Variants in ZNF544 observed in about 807,000 individuals in gnomAD.
The protein encoded by ZNF544 is zinc finger protein AF020591.
In ZNF544, 10 loss-of-function variants were observed where a neutral mutation model predicts 13.5. The ratio of observed to expected loss-of-function variants is 0.74; its 90% confidence interval spans 0.46 to 1.25. The LOEUF is 1.25. Among genes scored for constraint, ZNF544 ranks in the 50% most tolerant of loss-of-function variants. ZNF544 has a pLI of 0.00. For missense variants in ZNF544, 896 were observed against 845.6 expected (o/e 1.06, Z -0.74); for synonymous variants, 323 against 300.5 (o/e 1.07, Z -0.77).
At chr19:58,243,206 A>C (rs558529427) in intron 3 of ZNF544, among the ~76,000 whole-genome samples, 5 of 152,206 alleles carry the variant, frequency 3.3e-5, no homozygotes, top group African/African-American at 1.2e-4. Context: ...GAGTGAGCGT[A>C]GTCATATGAG....
intron 6 of ZNF544, among the ~76,000 whole-genome samples, chr19:58,248,273 C>CTTTTTTTTTT (rs34774786): frequency 1.8e-5 from 2 of 108,516 alleles, no homozygotes; most frequent in Non-Finnish European, 1.8e-5. Flanking sequence ...TTTTTTTTTT[C>CTTTTTTTTTT]TTTTTTTTTT....
At chr19:58,232,007 ATT>A (rs532283219) in intron 3 of ZNF544, among the ~76,000 whole-genome samples, 2 of 144,816 alleles carry the variant, frequency 1.4e-5, no homozygotes, top group Admixed American at 6.9e-5. Context: ...CGCCCAGCTA[ATT>A]TTTTTTTTTT....
rs1045493285 is a variant in ZNF544 at position 58,246,160 on chromosome 19, C to A, written c.34-141C>A. ...CATTAATTGCCTTGTAAAGACCCCACCTCTTAACACTATCTCACTGGGTAT... is the reference window on the plus strand; with the variant it reads ...CATTAATTGCCTTGTAAAGACCCCAACTCTTAACACTATCTCACTGGGTAT... On this transcript the variant is annotated intron_variant, in intron 4 of 6. Transcript: ENST00000687789. The A allele has an allele frequency of 6.1e-6, 7 of 1,156,232 alleles. No individual in the cohort carries two copies. In the African/African-American group the frequency reaches 9.1e-5, roughly 15 times the overall value. The allele number at this position is 1,156,232 out of a possible 1,614,324, so 71.6% of individuals were successfully genotyped here.
In ZNF544 at chr19:58,272,872, CAAAAA is replaced by C. The variant is rs60087012; in HGVS notation, c.245-3444_245-3440del. On this transcript the variant is annotated intron_variant, in intron 5 of 6. Transcript: ENST00000595981. Reference sequence around the variant, plus strand: ...TGGGCTACAGAGCGAGTCTCCTTCTCAAAAAAAAAAAGAAAAGAAAAGAAAAAAAG... The same window carrying C: ...TGGGCTACAGAGCGAGTCTCCTTCTCAAAAAAGAAAAGAAAAGAAAAAAAG... 2.1e-3 allele frequency among the ~76,000 whole-genome samples: 264 copies of C among 128,634 alleles called. 1 individual carries two copies. Among genetic ancestry groups the C allele is most frequent in the African/African-American group, 7.5e-3 (257 of 34,406 alleles). The allele number at this position is 128,634 out of a possible 152,430, so 84.4% of individuals were successfully genotyped here. A position where few individuals can be genotyped will look rare whatever the true frequency, so the allele number is the denominator to read the frequency against.
intron 6 of ZNF544, 88 bp downstream of exon 6, chr19:58,246,882 G>T: frequency 1.5e-6 from 2 of 1,334,668 alleles, no homozygotes; most frequent in South Asian, 1.3e-5. Context: ...CAAGGAGGGA[G>T]CCTTGTTTGG....
At chr19:58,241,170 T>TATATTTAA in intron 3 of ZNF544, among the ~76,000 whole-genome samples, 1 of 89,654 alleles carries the variant, frequency 1.1e-5, no homozygotes, top group African/African-American at 4.9e-5. Flanking sequence ...TAAATATATA[T>TATATTTAA]ATATATATAT....
chr19:58,239,377 A>C (rs1205433098), intron 3 of ZNF544, among the ~76,000 whole-genome samples: 1 of 98,000 alleles, frequency 1.0e-5, no homozygotes, highest in African/African-American at 4.1e-5. Flanking sequence ...AACTGTCTTC[A>C]AACATGGCCA....
intron 3 of ZNF544, among the ~76,000 whole-genome samples, chr19:58,237,552 C>T (rs2042681339): frequency 6.6e-6 from 1 of 152,206 alleles, no homozygotes; most frequent in Non-Finnish European, 1.5e-5. Flanking sequence ...GCTGACGGAG[C>T]CAGACCCTTG....
intron 3 of ZNF544, among the ~76,000 whole-genome samples, chr19:58,239,969 G>GCATT (rs1435905533): frequency 6.6e-6 from 1 of 152,030 alleles, no homozygotes; most frequent in East Asian, 1.9e-4. Context: ...ACCAGGACCA[G>GCATT]CATTCAGCTC....
At position 58,249,194 on chromosome 19, in the gene ZNF544, T is replaced by C. The variant is rs138107260; in HGVS notation, c.244+2400T>C. Among the ~76,000 whole-genome samples the C allele has an allele frequency of 1.0e-3, 154 of 152,334 alleles. 1 individual carries two copies. The highest frequency in any genetic ancestry group is 3.7e-3 in the African/African-American group (153 of 41,578). On this transcript the variant is annotated intron_variant, in intron 6 of 6. Coordinates refer to ENST00000687789, the MANE Select transcript of ZNF544 (RefSeq NM_014480.4). Reference sequence around the variant, plus strand: ...ATCACCCTTAGGTTTCTTGCCTCCATACCCTGTTCTCATACCTCATTTCCC... The same window carrying C: ...ATCACCCTTAGGTTTCTTGCCTCCACACCCTGTTCTCATACCTCATTTCCC...
Position 58,246,215 on chromosome 19 carries a change from GA to G in ZNF544, c.34-85del, listed in dbSNP as rs1206043530. 11 of 1,579,482 alleles carry G rather than the reference GA, an allele frequency of 7.0e-6. No homozygotes were observed. The South Asian group carries it at 8.9e-5, about 13-fold the overall frequency. ...TTCCAATGTATGAATTTTACGGGGG[GA>G]CACCAACATTTAGGCCTTAACAGGT... On this transcript the variant is annotated intron_variant, in intron 4 of 6. Coordinates refer to ENST00000687789, the MANE Select transcript of ZNF544 (RefSeq NM_014480.4).
chr19:58,244,438 G>A (rs1167225674), intron 4 of ZNF544, among the ~76,000 whole-genome samples: 1 of 151,954 alleles, frequency 6.6e-6, no homozygotes, highest in Non-Finnish European at 1.5e-5. Context: ...TTAAAGCACT[G>A]TAGTTACCTA....
At chr19:58,276,422 T>A in exon 6 of ZNF544, 1 of 1,230,810 alleles carries the variant, frequency 8.1e-7, no homozygotes, top group Non-Finnish European at 1.0e-6. Flanking sequence ...CAGCTGCCAC[T>A]TGCTCAGGTG....
intron 3 of ZNF544, among the ~76,000 whole-genome samples, chr19:58,243,084 T>A (rs952730022): frequency 6.6e-6 from 1 of 152,132 alleles, no homozygotes; most frequent in African/African-American, 2.4e-5. Flanking sequence ...TGCTTCAGCC[T>A]CCCAAAGTGT....
Position 58,260,927 on chromosome 19 carries a change from G to C in ZNF544, c.321G>C (p.Val107=). 2 of 1,614,102 alleles carry C rather than the reference G, an allele frequency of 1.2e-6. No homozygotes were observed. Among genetic ancestry groups the C allele is most frequent in the Non-Finnish European group, 1.7e-6 (2 of 1,180,022 alleles). ...CTAGGGAAGAACTATCCCACCACGT[G>C]GAAGTGTACAGGAGTGGACCGGAGG... ...DRAREELSHH[V]EVYRSGPEEP... is the part of the protein sequence containing the mutation. The change falls in exon 7 of 7, where the codon GTG becomes GTC. Residue 107 remains valine (V), a synonymous_variant. Coordinates refer to ENST00000687789, the MANE Select transcript of ZNF544 (RefSeq NM_014480.4).
intron 5 of ZNF544, among the ~76,000 whole-genome samples, chr19:58,270,162 G>A (rs2050452117): frequency 6.6e-6 from 1 of 152,180 alleles, no homozygotes; most frequent in South Asian, 2.1e-4. Flanking sequence ...GTGTTCACTT[G>A]ACACTGATGT....
At chr19:58,245,493 G>T (rs187707933) in intron 4 of ZNF544, among the ~76,000 whole-genome samples, 3 of 150,842 alleles carry the variant, frequency 2.0e-5, no homozygotes, top group Non-Finnish European at 3.0e-5. Context: ...GTAGAGACGG[G>T]GTTTCACCAT....
At position 58,261,313 on chromosome 19, in the gene ZNF544, C is replaced by G. The variant is rs772122296; in HGVS notation, c.707C>G (p.Thr236Arg). Reference sequence around the variant, plus strand: ...TTGAGTAAACTTGGAAACGTTGAAACAGGAAAGAAAAACCCTTATGAATAT... The same window carrying G: ...TTGAGTAAACTTGGAAACGTTGAAAGAGGAAAGAAAAACCCTTATGAATAT... Reference protein sequence around the residue: ...IYLSKLGNVETGKKNPYEYIV... With the variant: ...IYLSKLGNVERGKKNPYEYIV... The change falls in exon 7 of 7, where the codon ACA becomes AGA. Residue 236 changes from threonine (T) to arginine (R), a missense_variant. Coordinates refer to ENST00000687789, the MANE Select transcript of ZNF544 (RefSeq NM_014480.4). 7.4e-6 allele frequency: 12 copies of G among 1,613,988 alleles called. No individual in the cohort carries two copies. The Admixed American group carries it at 2.0e-4, about 27-fold the overall frequency.
intron 3 of ZNF544, among the ~76,000 whole-genome samples, chr19:58,239,541 G>A (rs2043125024): frequency 6.6e-6 from 1 of 152,162 alleles, no homozygotes. Context: ...TGACCAGATG[G>A]ACTCAGAACT....
Sources: allele counts gnomAD v4.1 joint callset (sites outside exome capture counted in the v4.1 genomes callset), GRCh38; gene constraint gnomAD v4.1.1; transcripts MANE v1.5; gene names NCBI Gene and HGNC (gene_info 2026-07-23, HGNC 2026-07-21).